Variants in TLR4 observed in about 807,000 individuals in gnomAD.
The protein encoded by TLR4 is toll like receptor 4.
In TLR4, 17 loss-of-function variants were observed where a neutral mutation model predicts 27.4. The ratio of observed to expected loss-of-function variants is 0.62; its 90% confidence interval spans 0.42 to 0.93. The LOEUF (loss-of-function observed/expected upper bound fraction) is 0.93. Among genes scored for constraint, TLR4 ranks in the 40% least tolerant of loss-of-function variants. TLR4 has a pLI of 0.00. For synonymous variants in TLR4, 363 were observed against 365.7 expected (o/e 0.99, Z 0.08); for missense variants, 926 against 962.3 (o/e 0.96, Z 0.50).
In TLR4 at chr9:117,705,110, A is replaced by G. The variant is rs532924928; in HGVS notation, c.93+545A>G. On this transcript the variant is annotated intron_variant, in intron 1 of 2. Coordinates refer to ENST00000355622, the MANE Select transcript of TLR4 (RefSeq NM_138554.5). ...TCCAGAGGATGAAAAAAATAAGAGA[A>G]TGAAAAAGGAAAAGAGAGAGAGAGA... is the stretch of plus-strand genomic sequence containing the variant. Among the ~76,000 whole-genome samples, 4 of 151,958 alleles carry G rather than the reference A, an allele frequency of 2.6e-5. No homozygotes were observed. The East Asian group carries it at 5.8e-4, about 22-fold the overall frequency.
At chr9:117,712,281 A>T in intron 2 of TLR4, 108 bp from the exon 3 acceptor site, 1 of 1,116,474 alleles carries the variant, frequency 9.0e-7, no homozygotes, top group Non-Finnish European at 1.3e-6. Flanking sequence ...GCACAATCAT[A>T]TGACCCATCA....
Position 117,713,216 on chromosome 9 carries a change from G to T in TLR4, c.1088G>T (p.Gly363Val). 6.2e-7 allele frequency: 1 copy of T among 1,613,916 alleles called. No homozygotes were observed. Among genetic ancestry groups the T allele is most frequent in the Non-Finnish European group, 8.5e-7 (1 of 1,179,964 alleles). ...LKRLTFTSNK[G>V]GNAFSEVDLP... ...AGGCTTACTTTCACTTCCAACAAAG[G>T]TGGGAATGCTTTTTCAGAAGTTGAT... The change falls in exon 3 of 3, where the codon GGT becomes GTT. Residue 363 changes from glycine (G) to valine (V), a missense_variant. Physicochemically the swap from Gly to Val is moderately radical, Grantham distance 109 (BLOSUM62 -3). Transcript: ENST00000355622.
chr9:117,714,788 G>C lies in TLR4; in HGVS notation c.*140G>C. The C allele has an allele frequency of 1.3e-6, 1 of 757,872 alleles. No homozygotes were observed. 46.9% of individuals were successfully genotyped at this position (757,872 alleles called of 1,614,324 possible). On this transcript the variant is annotated 3_prime_UTR_variant, in exon 3 of 3. Transcript: ENST00000355622. ...TTCCATGGTGCACTAGATATGCAGG[G>C]CTGCTAATCTCAAGGAGCTTCCAGT...
At position 117,714,804 on chromosome 9, in the gene TLR4, A is replaced by C. The variant is rs11536885; in HGVS notation, c.*156A>C. The C allele has an allele frequency of 8.0e-5, 57 of 715,296 alleles. 2 individuals carry two copies. The African/African-American group carries it at 8.4e-4, about 11-fold the overall frequency. 44.3% of individuals were successfully genotyped at this position (715,296 alleles called of 1,614,324 possible). The stretch of plus-strand genomic sequence containing the variant: ...ATATGCAGGGCTGCTAATCTCAAGG[A>C]GCTTCCAGTGCAGAGGGAATAAATG... On this transcript the variant is annotated 3_prime_UTR_variant, in exon 3 of 3. Transcript: ENST00000355622.
Position 117,715,334 on chromosome 9 carries a change from AG to A in TLR4, c.*688del, listed in dbSNP as rs1829325919. ...TGCCTATAAGCTAATATCATAAATA[AG>A]GTTGTTTAAGACGTGCTTCAAATAT... is the stretch of plus-strand genomic sequence containing the variant. On this transcript the variant is annotated 3_prime_UTR_variant, in exon 3 of 3. Transcript: ENST00000355622. 1 of 152,314 alleles carries A rather than the reference AG, an allele frequency of 6.6e-6. No individual in the cohort carries two copies. 9.4% of individuals were successfully genotyped at this position (152,314 alleles called of 1,614,324 possible). A position where few individuals can be genotyped will look rare whatever the true frequency, so the allele number is the denominator to read the frequency against.
intron 1 of TLR4, among the ~76,000 whole-genome samples, chr9:117,707,732 C>T (rs1829158628): frequency 6.6e-6 from 1 of 152,170 alleles, no homozygotes; most frequent in South Asian, 2.1e-4. Context: ...CTAAAGATTT[C>T]CCCCTATTTC....
In TLR4 at chr9:117,708,727, C is replaced by A; in HGVS notation, c.258C>A (p.Ser86=). ...SFPELQVLDL[S]RCEIQTIEDG... is the part of the protein sequence containing the mutation. ...CAGAACTGCAGGTGCTGGATTTATC[C>A]AGGTAATGAATCCACTTTTACATAC... The change falls in exon 2 of 3, where the codon TCC becomes TCA. Residue 86 remains serine (S), a splice_region_variant and synonymous_variant. Coordinates refer to ENST00000355622, the MANE Select transcript of TLR4 (RefSeq NM_138554.5). 6.2e-7 allele frequency: 1 copy of A among 1,613,682 alleles called. No individual in the cohort carries two copies. Among genetic ancestry groups the A allele is most frequent in the Non-Finnish European group, 8.5e-7 (1 of 1,179,696 alleles).
In TLR4 at chr9:117,709,096, C is replaced by T. The variant is rs574764042; in HGVS notation, c.260+367C>T. The T allele has an allele frequency of 2.2e-4, 51 of 226,972 alleles. No homozygotes were observed. The East Asian group carries it at 5.5e-3, about 24-fold the overall frequency. 14.1% of individuals were successfully genotyped at this position (226,972 alleles called of 1,614,324 possible). On this transcript the variant is annotated intron_variant, in intron 2 of 2. Coordinates refer to ENST00000355622, the MANE Select transcript of TLR4 (RefSeq NM_138554.5). ...CATATATTGATATATAACACACAGCCCCTGTTGTTAAGGAGGCATATCTTC... is the reference window on the plus strand; with the variant it reads ...CATATATTGATATATAACACACAGCTCCTGTTGTTAAGGAGGCATATCTTC...
chr9:117,704,430 C>T lies in TLR4; in HGVS notation c.-43C>T. On this transcript the variant is annotated 5_prime_UTR_variant, in exon 1 of 3. Transcript: ENST00000355622. ...ACGGTGATAGCGAGCCACGCATTCACAGGGCCACTGCTGCTCACAGAAGCA... is the reference window on the plus strand; with the variant it reads ...ACGGTGATAGCGAGCCACGCATTCATAGGGCCACTGCTGCTCACAGAAGCA... The T allele has an allele frequency of 6.3e-7, 1 of 1,584,724 alleles. No homozygotes were observed. The highest frequency in any genetic ancestry group is 8.6e-7 in the Non-Finnish European group (1 of 1,159,280).
rs1355779482 is a variant in TLR4, at chr9:117,712,589, A to C, written c.461A>C (p.Glu154Ala). ...ATTGGACATCTCAAAACTTTGAAAG[A>C]ACTTAATGTGGCTCACAATCTTATC... ...FPIGHLKTLK[E>A]LNVAHNLIQS... Residue 154 changes from glutamate to alanine, a missense_variant, in exon 3 of 3, where the codon GAA (glutamate) becomes GCA (alanine). Glu to Ala is a moderately radical substitution (Grantham distance 107). Coordinates refer to ENST00000355622, the MANE Select transcript of TLR4 (RefSeq NM_138554.5). 6.2e-7 allele frequency: 1 copy of C among 1,614,062 alleles called. No homozygotes were observed. Among genetic ancestry groups the C allele is most frequent in the Admixed American group, 1.7e-5 (1 of 59,998 alleles).
rs1829300071 is a variant in TLR4 at position 117,714,269 on chromosome 9, C to A, written c.2141C>A (p.Pro714His). The part of the protein sequence containing the change: ...QLCLHYRDFI[P>H]GVAIAANIIH... The stretch of plus-strand genomic sequence containing the variant: ...TGCCTTCACTACAGAGACTTTATTC[C>A]CGGTGTGGCCATTGCTGCCAACATC... Residue 714 changes from proline (P) to histidine (H), a missense_variant, in exon 3 of 3, where the codon CCC (proline) becomes CAC (histidine). Physicochemically the swap from Pro to His is moderately conservative, Grantham distance 77. Transcript: ENST00000355622. 1 of 1,595,120 alleles carries A rather than the reference C, an allele frequency of 6.3e-7. No individual in the cohort carries two copies.
rs1315327210 is a variant in TLR4, at chr9:117,712,950, A to G, written c.822A>G (p.Lys274=). ...RNEGNLEKFD[K]SALEGLCNLT... is the part of the protein sequence containing the mutation. ...AAGGAAACTTGGAAAAGTTTGACAA[A>G]TCTGCTCTAGAGGGCCTGTGCAATT... The change falls in exon 3 of 3, where the codon AAA becomes AAG. Residue 274 remains lysine (K), a synonymous_variant. Transcript: ENST00000355622. 3.1e-6 allele frequency: 5 copies of G among 1,613,980 alleles called. No individual in the cohort carries two copies. Among genetic ancestry groups the G allele is most frequent in the African/African-American group, 1.3e-5 (1 of 74,946 alleles).
rs7860896 is a variant in TLR4, at chr9:117,720,825, A to G, written c.*6177A>G. ...CAGGACCTTGCCCCTCCGTCTTCCTAGGGCTCGGCCGTGAGATGCTAGTGC... is the reference window on the plus strand; with the variant it reads ...CAGGACCTTGCCCCTCCGTCTTCCTGGGGCTCGGCCGTGAGATGCTAGTGC... On this transcript the variant is annotated 3_prime_UTR_variant, in exon 3 of 3. Transcript: ENST00000355622. The G allele has an allele frequency of 0.19, 28,553 of 152,214 alleles. 4,227 individuals are homozygous for G. Among genetic ancestry groups the G allele is most frequent in the African/African-American group, 0.42 (17,234 of 41,400 alleles). 9.4% of individuals were successfully genotyped at this position (152,214 alleles called of 1,614,324 possible). A position where few individuals can be genotyped will look rare whatever the true frequency, so the allele number is the denominator to read the frequency against.
chr9:117,715,623 G>T lies in TLR4; in HGVS notation c.*975G>T, dbSNP rs1564267963. On this transcript the variant is annotated 3_prime_UTR_variant, in exon 3 of 3. Coordinates refer to ENST00000355622, the MANE Select transcript of TLR4 (RefSeq NM_138554.5). ...TTTTCTTGATTCCAGAAACATATGG[G>T]CTGATAAACCCGGGGTGACCTCATG... The T allele has an allele frequency of 6.6e-6, 1 of 152,154 alleles. No individual in the cohort carries two copies. Among genetic ancestry groups the T allele is most frequent in the Non-Finnish European group, 1.5e-5 (1 of 68,032 alleles). 9.4% of individuals were successfully genotyped at this position (152,154 alleles called of 1,614,324 possible).
Position 117,721,431 on chromosome 9 carries a change from CT to C in TLR4, c.*6788del, listed in dbSNP as rs1259609277. The C allele has an allele frequency of 6.6e-6, 1 of 152,286 alleles. No homozygotes were observed. The highest frequency in any genetic ancestry group is 1.5e-5 in the Non-Finnish European group (1 of 68,082). 9.4% of individuals were successfully genotyped at this position (152,286 alleles called of 1,614,324 possible). On this transcript the variant is annotated 3_prime_UTR_variant, in exon 3 of 3. Transcript: ENST00000355622. ...CATCTTTTCTATCTTCTTCTAGCCT[CT>C]TTTTGCAAACTTCATTTTGACAAAG...
Position 117,712,864 on chromosome 9 carries a change from T to C in TLR4, c.736T>C (p.Cys246Arg). The C allele has an allele frequency of 1.2e-6, 2 of 1,614,014 alleles. No homozygotes were observed. Among genetic ancestry groups the C allele is most frequent in the Non-Finnish European group, 1.7e-6 (2 of 1,179,948 alleles). Residue 246 changes from cysteine (C) to arginine (R), a missense_variant, in exon 3 of 3, where the codon TGT becomes CGT. Physicochemically the swap from Cys to Arg is radical, Grantham distance 180. Coordinates refer to ENST00000355622, the MANE Select transcript of TLR4 (RefSeq NM_138554.5). ...NFDSLNVMKT[C>R]IQGLAGLEVH... The stretch of plus-strand genomic sequence containing the variant: ...TGATAGTTTAAATGTAATGAAAACT[T>C]GTATTCAAGGTCTGGCTGGTTTAGA...
chr9:117,711,738 T>G (rs1470952227), intron 2 of TLR4, among the ~76,000 whole-genome samples: 1 of 152,196 alleles, frequency 6.6e-6, no homozygotes, highest in Admixed American at 6.5e-5. Flanking sequence ...TTGATTTTCT[T>G]GGTCCACAAC....
chr9:117,713,190 A>G lies in TLR4; in HGVS notation c.1062A>G (p.Lys354=), dbSNP rs56070048. 4.9e-3 allele frequency: 7,871 copies of G among 1,614,008 alleles called. 42 individuals carry two copies. Among genetic ancestry groups the G allele is most frequent in the Middle Eastern group, 0.01 (62 of 6,062 alleles). ...QFPTLKLKSL[K]RLTFTSNKGG... ...CCACATTGAAACTCAAATCTCTCAA[A>G]AGGCTTACTTTCACTTCCAACAAAG... is the stretch of plus-strand genomic sequence containing the variant. The change falls in exon 3 of 3, where the codon AAA becomes AAG. Residue 354 remains lysine (K), a synonymous_variant. Transcript: ENST00000355622.
intron 1 of TLR4, among the ~76,000 whole-genome samples, chr9:117,704,951 G>A (rs1829112263): frequency 6.6e-6 from 1 of 152,128 alleles, no homozygotes; most frequent in Admixed American, 6.5e-5. Context: ...CCCACTGGTG[G>A]TCTTTACACT....
Sources: allele counts gnomAD v4.1 joint callset (sites outside exome capture counted in the v4.1 genomes callset), GRCh38; gene constraint gnomAD v4.1.1; transcripts MANE v1.5; gene names NCBI Gene and HGNC (gene_info 2026-07-23, HGNC 2026-07-21).